The following RALYL variants were observed in gnomAD, a reference collection of about 807,000 sequenced individuals.
RALYL encodes the protein RALY RNA binding protein like.
RALYL carries 29 observed loss-of-function variants against 35.1 expected under a neutral mutation model. The ratio of observed to expected loss-of-function variants is 0.83; its 90% CI spans 0.61 to 1.13. The LOEUF is 1.13. Among genes scored for constraint, RALYL ranks in the 50% most tolerant of loss-of-function variants. RALYL has a pLI of 0.00. For missense variants in RALYL, 359 were observed against 360.4 expected, an observed-to-expected ratio of 1.00 and a Z score of 0.03; for synonymous variants, 120 against 127.6, an observed-to-expected ratio of 0.94 and a Z score of 0.40.
At position 84,678,861 on chromosome 8, in the gene RALYL, T is replaced by A. The variant is rs528809187; in HGVS notation, c.257-95718T>A. 48 of 180,856 alleles carry A rather than the reference T, an allele frequency of 2.7e-4. 2 individuals are homozygous for A. In the South Asian group the frequency reaches 5.6e-3, roughly 21 times the overall value. 11.2% of individuals were successfully genotyped at this position (180,856 alleles called of 1,614,324 possible). A position where few individuals can be genotyped will look rare whatever the true frequency, so the allele number is the denominator to read the frequency against. ...AAAGGATGAGAAGGATGACAAACAC[T>A]TTTGAGCTCTGAATGAAGAGGATAC... On this transcript the variant is annotated intron_variant, in intron 2 of 8. Coordinates refer to ENST00000521268, the MANE Select transcript of RALYL (RefSeq NM_173848.7).
intron 1 of RALYL, among the ~76,000 whole-genome samples, chr8:84,439,895 A>G (rs1235626412): frequency 2.0e-5 from 3 of 152,234 alleles, no homozygotes; most frequent in Middle Eastern, 3.4e-3. Flanking sequence ...TTGCTCATGC[A>G]TGTCGGTAAT....
At chr8:84,218,005 C>A (rs1369395715) in intron 1 of RALYL, among the ~76,000 whole-genome samples, 1 of 151,862 alleles carries the variant, frequency 6.6e-6, no homozygotes, top group Non-Finnish European at 1.5e-5. Context: ...TTTTTCTTAG[C>A]ATTTTCAAGT....
intron 1 of RALYL, among the ~76,000 whole-genome samples, chr8:84,275,856 A>G (rs571973212): frequency 6.6e-6 from 1 of 152,272 alleles, no homozygotes; most frequent in Non-Finnish European, 1.5e-5. Context: ...TACAAATGTC[A>G]TGCTTGAAAT....
At chr8:84,845,204 A>G (rs1057322258) in intron 4 of RALYL, among the ~76,000 whole-genome samples, 1 of 152,228 alleles carries the variant, frequency 6.6e-6, no homozygotes. Flanking sequence ...GAGAACTTTT[A>G]TTCCATGAAA....
At chr8:84,328,901 C>G (rs1224272395) in intron 1 of RALYL, among the ~76,000 whole-genome samples, 1 of 152,132 alleles carries the variant, frequency 6.6e-6, no homozygotes, top group Non-Finnish European at 1.5e-5. Context: ...GGATGATGGC[C>G]TCTAGCTGCA....
intron 2 of RALYL, among the ~76,000 whole-genome samples, chr8:84,733,148 G>A (rs1170753982): frequency 6.6e-6 from 1 of 152,096 alleles, no homozygotes; most frequent in African/African-American, 2.4e-5. Context: ...CTGTGCTGAT[G>A]CTTACTGCTG....
chr8:84,738,807 C>A (rs1847786149), intron 2 of RALYL, among the ~76,000 whole-genome samples: 1 of 152,018 alleles, frequency 6.6e-6, no homozygotes, highest in Non-Finnish European at 1.5e-5. Flanking sequence ...TGGGGAAGTA[C>A]TAACCGTAAC....
chr8:84,662,418 G>T (rs773740740), intron 2 of RALYL, among the ~76,000 whole-genome samples: 1 of 152,088 alleles, frequency 6.6e-6, no homozygotes, highest in Non-Finnish European at 1.5e-5. Context: ...ATTTAATAAT[G>T]ATTTTATGAA....
chr8:84,580,851 C>T (rs749435090), intron 2 of RALYL, among the ~76,000 whole-genome samples: 1 of 148,372 alleles, frequency 6.7e-6, no homozygotes, highest in Non-Finnish European at 1.5e-5. Context: ...TATGAAAAGG[C>T]AGAGCAGAGG....
At chr8:84,587,053 T>C (rs1397504622) in intron 2 of RALYL, among the ~76,000 whole-genome samples, 1 of 152,128 alleles carries the variant, frequency 6.6e-6, no homozygotes, top group Admixed American at 6.5e-5. Flanking sequence ...TACTCACACT[T>C]AAGAAGCAGA....
At chr8:84,359,925 C>G (rs1000229304) in intron 1 of RALYL, among the ~76,000 whole-genome samples, 13 of 147,804 alleles carry the variant, frequency 8.8e-5, no homozygotes, top group African/African-American at 3.0e-4. Flanking sequence ...GAGACAGAAT[C>G]TCACTCTGTT....
rs144809377 is a variant in RALYL at position 84,905,721 on chromosome 8, G to C, written c.859-15173G>C. On this transcript the variant is annotated intron_variant, in intron 8 of 8. Coordinates refer to ENST00000521268, the MANE Select transcript of RALYL (RefSeq NM_173848.7). ...TACTATTTTTTTTTTTTTTGAGACA[G>C]AGTCTTGCTCTGTCGCCCAGGATGG... is the stretch of plus-strand genomic sequence containing the variant. Among the ~76,000 whole-genome samples the C allele has an allele frequency of 1.2e-3, 170 of 145,302 alleles. 1 individual carries two copies. In the East Asian group the frequency reaches 0.029, roughly 25 times the overall value.
intron 2 of RALYL, among the ~76,000 whole-genome samples, chr8:84,723,647 T>A (rs1160463767): frequency 6.6e-6 from 1 of 151,926 alleles, no homozygotes; most frequent in Admixed American, 6.6e-5. Context: ...AACTAGGAAT[T>A]TCTTCAGCAT....
At chr8:84,865,952 G>A (rs1053710903) in intron 6 of RALYL, among the ~76,000 whole-genome samples, 2 of 152,152 alleles carry the variant, frequency 1.3e-5, no homozygotes, top group Non-Finnish European at 2.9e-5. Flanking sequence ...GCTTTCTTAT[G>A]TTGGGTTCCT....
intron 2 of RALYL, among the ~76,000 whole-genome samples, chr8:84,658,420 A>T (rs895705005): frequency 6.6e-6 from 1 of 152,196 alleles, no homozygotes; most frequent in African/African-American, 2.4e-5. Context: ...ATCATTCTTC[A>T]GTTGATACAT....
intron 1 of RALYL, among the ~76,000 whole-genome samples, chr8:84,197,387 C>T (rs1172653278): frequency 6.6e-6 from 1 of 152,064 alleles, no homozygotes; most frequent in Non-Finnish European, 1.5e-5. Context: ...ACATGTTTAC[C>T]CATTTTTAGG....
At chr8:84,191,804 G>C (rs1221401005) in intron 1 of RALYL, among the ~76,000 whole-genome samples, 1 of 152,118 alleles carries the variant, frequency 6.6e-6, no homozygotes, top group Non-Finnish European at 1.5e-5. Context: ...ATTAAATTGA[G>C]ATAATTAAAT....
Position 84,905,912 on chromosome 8 carries a change from G to GT in RALYL, c.859-14975dup, listed in dbSNP as rs144813183. Among the ~76,000 whole-genome samples the GT allele has an allele frequency of 7.5e-3, 1,144 of 151,792 alleles. 14 individuals are homozygous for GT. The highest frequency in any genetic ancestry group is 0.026 in the African/African-American group (1,089 of 41,404). Reference sequence around the variant, plus strand: ...AGAACACTGGAACCTTTAGTTGTGTGTTTTTTTACATTCCAAACCTAAAAT... The same window carrying GT: ...AGAACACTGGAACCTTTAGTTGTGTGTTTTTTTTACATTCCAAACCTAAAAT... On this transcript the variant is annotated intron_variant, in intron 8 of 8. Coordinates refer to ENST00000521268, the MANE Select transcript of RALYL (RefSeq NM_173848.7).
intron 1 of RALYL, among the ~76,000 whole-genome samples, chr8:84,417,517 T>C (rs78542553): frequency 0.053 from 8,128 of 151,932 alleles, 315 homozygotes; most frequent in Non-Finnish European, 0.08. Context: ...AAGAAAGATA[T>C]CCAGCCCTAT....
Sources: gnomAD v4.1 joint callset for allele counts (sites outside exome capture counted in the v4.1 genomes callset) on GRCh38, gnomAD v4.1.1 for gene constraint, MANE v1.5 for transcripts, NCBI Gene and HGNC (gene_info 2026-07-23, HGNC 2026-07-21) for gene names.